EBF1: variants seen among roughly 807,000 people sequenced by gnomAD.
EBF1 encodes EBF transcription factor 1, also known as transcription factor COE1.
A neutral mutation model predicts 68.4 loss-of-function variants in EBF1; 10 were observed. That is an observed-to-expected ratio of 0.15 (90% CI 0.09 to 0.25). The LOEUF is 0.25. Ranked by LOEUF, EBF1 falls within the 10% of genes least tolerant of loss-of-function variation. The pLI is 1.00. For synonymous variants in EBF1, 298 were observed against 299.8 expected (o/e 0.99, Z 0.06); for missense variants, 509 against 794.4 (o/e 0.64, Z 4.32).
intron 11 of EBF1, among the ~76,000 whole-genome samples, chr5:158,716,588 G>A (rs1294181365): frequency 6.6e-6 from 1 of 152,188 alleles, no homozygotes; most frequent in African/African-American, 2.4e-5. Context: ...GAAAGACTTG[G>A]TTGAGCTTTG....
At chr5:158,909,439 G>A (rs185140993) in intron 6 of EBF1, among the ~76,000 whole-genome samples, 69 of 152,216 alleles carry the variant, frequency 4.5e-4, no homozygotes, top group Non-Finnish European at 6.6e-4. Flanking sequence ...AACCCTGGTC[G>A]CATATTAAAG....
At chr5:158,809,806 A>G (rs547328102) in intron 8 of EBF1, among the ~76,000 whole-genome samples, 1 of 152,192 alleles carries the variant, frequency 6.6e-6, no homozygotes. Flanking sequence ...AAACATTTTT[A>G]AAGTATCAGG....
intron 6 of EBF1, among the ~76,000 whole-genome samples, chr5:158,863,135 C>T (rs1276217947): frequency 6.6e-6 from 1 of 152,170 alleles, no homozygotes; most frequent in Admixed American, 6.5e-5. Context: ...AACCTTCATG[C>T]TTATGGTTTG....
intron 6 of EBF1, among the ~76,000 whole-genome samples, chr5:159,067,601 C>T (rs549050305): frequency 1.8e-4 from 28 of 152,220 alleles, no homozygotes; most frequent in Middle Eastern, 3.4e-3. Flanking sequence ...ATATAGACTG[C>T]GATTAGCTTA....
intron 6 of EBF1, among the ~76,000 whole-genome samples, chr5:159,052,966 C>T (rs1006731608): frequency 1.3e-5 from 2 of 152,162 alleles, no homozygotes; most frequent in Admixed American, 1.3e-4. Context: ...GTCTGGGGCA[C>T]CTCTGACCAT....
chr5:159,007,501 G>T (rs563038677), intron 6 of EBF1, among the ~76,000 whole-genome samples: 1 of 152,252 alleles, frequency 6.6e-6, no homozygotes, highest in East Asian at 1.9e-4. Context: ...GAACAACATA[G>T]CTTTGGGTCT....
At chr5:158,916,635 T>A (rs1394649745) in intron 6 of EBF1, among the ~76,000 whole-genome samples, 1 of 152,190 alleles carries the variant, frequency 6.6e-6, no homozygotes, top group East Asian at 1.9e-4. Context: ...GAGATGGGAT[T>A]TGAACCCAGG....
rs1483534087 is a variant in EBF1 at position 158,796,414 on chromosome 5, C to T, written c.840G>A (p.Val280=). 6.2e-7 allele frequency: 1 copy of T among 1,613,772 alleles called. No homozygotes were observed. Residue 280 remains valine (V), a synonymous_variant, in exon 9 of 16, where the codon GTG becomes GTA. Transcript: ENST00000313708. ...SEGWTTGGAT[V]IIIGDNFFDG... ...CAAAGAAATTGTCCCCTATGATGAT[C>T]ACAGTCGCACCTCCCGTCGTCCATC...
At chr5:158,730,093 T>C (rs1439288553) in intron 11 of EBF1, among the ~76,000 whole-genome samples, 1 of 152,270 alleles carries the variant, frequency 6.6e-6, no homozygotes, top group Admixed American at 6.5e-5. Flanking sequence ...GGCATATCTC[T>C]AGACTTACTG....
Position 158,712,342 on chromosome 5 carries a change from C to T in EBF1, c.1370-9G>A, listed in dbSNP as rs1268108107. 14 of 1,612,036 alleles carry T rather than the reference C, an allele frequency of 8.7e-6. No individual in the cohort carries two copies. The Admixed American group carries it at 1.5e-4, about 17-fold the overall frequency. On this transcript the variant is annotated splice_polypyrimidine_tract_variant and intron_variant, in intron 13 of 15. Coordinates refer to ENST00000313708, the MANE Select transcript of EBF1 (RefSeq NM_024007.5). Reference sequence around the variant, plus strand: ...TGAGTTGCGGGTGAAACCTGAGGGGCGGGGGCAAAACCGGAGGTGAGGGTG... The same window carrying T: ...TGAGTTGCGGGTGAAACCTGAGGGGTGGGGGCAAAACCGGAGGTGAGGGTG...
intron 6 of EBF1, among the ~76,000 whole-genome samples, chr5:158,996,548 T>G (rs1284506365): frequency 6.6e-6 from 1 of 152,210 alleles, no homozygotes; most frequent in East Asian, 1.9e-4. Context: ...TTAATTCAGT[T>G]CTGGGTGTAC....
At chr5:158,993,879 TC>T (rs1305760257) in intron 6 of EBF1, among the ~76,000 whole-genome samples, 1 of 152,100 alleles carries the variant, frequency 6.6e-6, no homozygotes, top group Non-Finnish European at 1.5e-5. Context: ...CAAATTCCAG[TC>T]CAACTGGGGA....
At chr5:158,790,232 T>C (rs934014030) in intron 9 of EBF1, among the ~76,000 whole-genome samples, 8 of 152,356 alleles carry the variant, frequency 5.3e-5, no homozygotes, top group East Asian at 1.9e-4. Flanking sequence ...CAAAATCATA[T>C]AGCATCTAAT....
chr5:159,038,584 C>T (rs575779740), intron 6 of EBF1, among the ~76,000 whole-genome samples: 1 of 152,334 alleles, frequency 6.6e-6, no homozygotes, highest in African/African-American at 2.4e-5. Flanking sequence ...ACTTAGACTG[C>T]ATTTAAGAAG....
chr5:158,766,970 A>G (rs1194704309), intron 10 of EBF1, among the ~76,000 whole-genome samples: 1 of 152,206 alleles, frequency 6.6e-6, no homozygotes, highest in Non-Finnish European at 1.5e-5. Context: ...AAAACTTTAC[A>G]GTCTTGCATT....
At chr5:158,779,042 TAAG>T (rs916019921) in intron 9 of EBF1, among the ~76,000 whole-genome samples, 4 of 152,096 alleles carry the variant, frequency 2.6e-5, no homozygotes, top group African/African-American at 7.2e-5. Flanking sequence ...GTAGAGAGAA[TAAG>T]AAGAAAGAGG....
chr5:158,767,838 G>A (rs1003960084), intron 10 of EBF1, among the ~76,000 whole-genome samples: 1 of 152,124 alleles, frequency 6.6e-6, no homozygotes, highest in African/African-American at 2.4e-5. Context: ...CTGGCCTATG[G>A]AGGATCAGAG....
chr5:159,080,263 A>G (rs768895709), intron 5 of EBF1, among the ~76,000 whole-genome samples: 1 of 152,038 alleles, frequency 6.6e-6, no homozygotes, highest in South Asian at 2.1e-4. Flanking sequence ...CTGCTACCCA[A>G]CTACAAGTAT....
chr5:159,001,891 G>A (rs576911370), intron 6 of EBF1, among the ~76,000 whole-genome samples: 2 of 152,252 alleles, frequency 1.3e-5, no homozygotes, highest in East Asian at 3.9e-4. Context: ...ATTTCCTGAG[G>A]CCACCAAAGT....
Sources: allele counts gnomAD v4.1 joint callset (sites outside exome capture counted in the v4.1 genomes callset), GRCh38; gene constraint gnomAD v4.1.1; transcripts MANE v1.5; gene names NCBI Gene and HGNC (gene_info 2026-07-23, HGNC 2026-07-21).